USP25: variants seen among roughly 807,000 people sequenced by gnomAD.
USP25 encodes ubiquitin specific peptidase 25.
A neutral mutation model predicts 158.5 loss-of-function variants in USP25; 85 were observed. The observed-to-expected ratio is 0.54, with a 90% CI of 0.45 to 0.64. The LOEUF is 0.64. Ranked by LOEUF, USP25 falls within the 30% of genes least tolerant of loss-of-function variation. The pLI is 0.00. For synonymous variants in USP25, 464 were observed against 460.4 expected, an observed-to-expected ratio of 1.01 and a Z score of -0.10; for missense variants, 1,242 against 1,327.3, an observed-to-expected ratio of 0.94 and a Z score of 1.00.
At chr21:15,735,143 AC>A (rs1356568405) in intron 1 of USP25, among the ~76,000 whole-genome samples, 1 of 151,878 alleles carries the variant, frequency 6.6e-6, no homozygotes. Context: ...TCCTGATAAA[AC>A]CCCATTTGGT....
chr21:15,812,182 G>A (rs2036697857), intron 9 of USP25, among the ~76,000 whole-genome samples: 1 of 151,046 alleles, frequency 6.6e-6, no homozygotes, highest in South Asian at 2.1e-4. Flanking sequence ...ATTTTACATA[G>A]TACATTTACG....
At chr21:15,825,228 TA>T (rs1468651921) in intron 12 of USP25, among the ~76,000 whole-genome samples, 167 bp downstream of exon 12, 1 of 152,230 alleles carries the variant, frequency 6.6e-6, no homozygotes, top group East Asian at 1.9e-4. Flanking sequence ...TAGTAGACTT[TA>T]AAAAATTATT....
At chr21:15,820,880 TA>T (rs1161351538) in intron 10 of USP25, among the ~76,000 whole-genome samples, 1 of 151,974 alleles carries the variant, frequency 6.6e-6, no homozygotes, top group East Asian at 1.9e-4. Flanking sequence ...TCTTCCAAGC[TA>T]AAACATCCAA....
intron 17 of USP25, among the ~76,000 whole-genome samples, chr21:15,833,797 C>T (rs1290007748): frequency 6.6e-6 from 1 of 152,124 alleles, no homozygotes; most frequent in Non-Finnish European, 1.5e-5. Context: ...CCTACTCTGC[C>T]TGTGTTGGGT....
chr21:15,828,140 G>T (rs1601050170), intron 14 of USP25, among the ~76,000 whole-genome samples: 1 of 152,074 alleles, frequency 6.6e-6, no homozygotes, highest in Non-Finnish European at 1.5e-5. Flanking sequence ...ATTTGAAAAA[G>T]AATGGCCCTA....
chr21:15,828,953 G>A (rs1234629372), intron 14 of USP25, among the ~76,000 whole-genome samples: 1 of 152,070 alleles, frequency 6.6e-6, no homozygotes, highest in Admixed American at 6.6e-5. Flanking sequence ...ATTTTTATAT[G>A]TAATACTATG....
intron 1 of USP25, among the ~76,000 whole-genome samples, chr21:15,743,435 A>G (rs151262685): frequency 2.6e-5 from 4 of 152,284 alleles, no homozygotes; most frequent in African/African-American, 9.6e-5. Flanking sequence ...AGCTCTTGAC[A>G]ATGAGAGGGG....
chr21:15,857,384 T>C (rs1033235958), intron 20 of USP25, among the ~76,000 whole-genome samples: 34 of 152,218 alleles, frequency 2.2e-4, no homozygotes, highest in East Asian at 1.9e-4. Context: ...TTGCAAATTT[T>C]AAATACTAGT....
At chr21:15,743,597 A>G (rs2032265098) in intron 1 of USP25, among the ~76,000 whole-genome samples, 1 of 152,216 alleles carries the variant, frequency 6.6e-6, no homozygotes, top group South Asian at 2.1e-4. Flanking sequence ...TAAAAGCATT[A>G]TTCGGAAAGA....
intron 22 of USP25, among the ~76,000 whole-genome samples, chr21:15,869,197 G>A (rs767986342): frequency 2.4e-4 from 37 of 151,366 alleles, no homozygotes; most frequent in African/African-American, 6.3e-4. Context: ...GCAGTTAGCC[G>A]TGATCGTGCC....
chr21:15,875,334 C>T lies in USP25; in HGVS notation c.3009+808C>T, dbSNP rs1364273412. On this transcript the variant is annotated intron_variant, in intron 24 of 25. Coordinates refer to ENST00000400183, the MANE Select transcript of USP25 (RefSeq NM_001283041.3). This position sits in a 1 kb window ranked among gnomAD's most constrained non-coding sequence, Gnocchi z 4.7. Reference sequence around the variant, plus strand: ...ACCTTCAAAAAATGGTATAATGTTTCTCATCATTTTTTGTAGTAACCCAGC... The same window carrying T: ...ACCTTCAAAAAATGGTATAATGTTTTTCATCATTTTTTGTAGTAACCCAGC... 6.6e-6 allele frequency among the ~76,000 whole-genome samples: 1 copy of T among 152,174 alleles called. No homozygotes were observed. The highest frequency in any genetic ancestry group is 1.5e-5 in the Non-Finnish European group (1 of 68,042).
intron 22 of USP25, among the ~76,000 whole-genome samples, chr21:15,869,378 C>T (rs2039791903): frequency 6.6e-6 from 1 of 151,902 alleles, no homozygotes; most frequent in South Asian, 2.1e-4. Flanking sequence ...TCCAATTTAT[C>T]CTACATTGAA....
Position 15,874,539 on chromosome 21 carries a change from C to T in USP25, c.3009+13C>T. On this transcript the variant is annotated intron_variant, in intron 24 of 25. Transcript: ENST00000400183. ...AGAATGTTTGCTAGTAAGTTGAATG[C>T]ATATAGTATGATCTTATCATTTTGT... 1 of 1,587,642 alleles carries T rather than the reference C, an allele frequency of 6.3e-7. No individual in the cohort carries two copies. Among genetic ancestry groups the T allele is most frequent in the Non-Finnish European group, 8.5e-7 (1 of 1,170,214 alleles).
chr21:15,774,698 T>A (rs1000712115), intron 3 of USP25, among the ~76,000 whole-genome samples: 1 of 152,216 alleles, frequency 6.6e-6, no homozygotes, highest in African/African-American at 2.4e-5. Flanking sequence ...GAATTAAACA[T>A]AAATCAAGGT....
chr21:15,765,038 A>G (rs1483766145), intron 2 of USP25, among the ~76,000 whole-genome samples: 3 of 152,116 alleles, frequency 2.0e-5, no homozygotes, highest in Non-Finnish European at 4.4e-5. Context: ...TTCTTAATAC[A>G]TGGAGTAAAC....
At chr21:15,811,298 CTTTATT>C in intron 9 of USP25, 88 bp downstream of exon 9, 3 of 1,198,974 alleles carry the variant, frequency 2.5e-6, no homozygotes, top group Non-Finnish European at 1.2e-6. Context: ...TTTTAGTGGA[CTTTATT>C]TTTAATTTGA....
chr21:15,796,760 C>A (rs1009211321), intron 5 of USP25, among the ~76,000 whole-genome samples: 8 of 151,292 alleles, frequency 5.3e-5, no homozygotes, highest in African/African-American at 1.9e-4. Flanking sequence ...TTATCTGGAA[C>A]CTTTCCTCAA....
At chr21:15,803,207 A>G (rs1411097072) in intron 6 of USP25, among the ~76,000 whole-genome samples, 1 of 151,842 alleles carries the variant, frequency 6.6e-6, no homozygotes, top group African/African-American at 2.4e-5. Flanking sequence ...AATTCCCTAT[A>G]AATTTGTACA....
chr21:15,765,940 T>G, intron 2 of USP25, 57 bp from the exon 3 acceptor site: 1 of 1,544,158 alleles, frequency 6.5e-7, no homozygotes, highest in Non-Finnish European at 8.7e-7. Flanking sequence ...TGTATAACTT[T>G]TTTTGATGGA....
Sources: allele counts gnomAD v4.1 joint callset (sites outside exome capture counted in the v4.1 genomes callset), GRCh38; gene constraint gnomAD v4.1.1; non-coding constraint Gnocchi (gnomAD v3.1); transcripts MANE v1.5; gene names NCBI Gene and HGNC (gene_info 2026-07-23, HGNC 2026-07-21).